EPC1: variants seen among roughly 807,000 people sequenced by gnomAD.
The protein encoded by EPC1 is enhancer of polycomb 1.
A neutral mutation model predicts 98.4 loss-of-function variants in EPC1; 12 were observed. That is an observed-to-expected ratio of 0.12 (90% confidence interval 0.08 to 0.20). The LOEUF (loss-of-function observed/expected upper bound fraction) is 0.20, where lower values mean the gene tolerates loss of function less well. Among genes scored for constraint, EPC1 ranks in the 10% least tolerant of loss-of-function variants. The probability of loss-of-function intolerance (pLI) is 1.00; values close to 1 mark genes in which losing one functional copy is unlikely to be tolerated. For synonymous variants in EPC1, 357 were observed against 363.9 expected, an observed-to-expected ratio of 0.98 and a Z score of 0.21; for missense variants, 729 against 990.5, an observed-to-expected ratio of 0.74 and a Z score of 3.54.
chr10:32,360,192 T>C (rs1839402545), intron 1 of EPC1, among the ~76,000 whole-genome samples: 1 of 152,222 alleles, frequency 6.6e-6, no homozygotes, highest in Non-Finnish European at 1.5e-5. Flanking sequence ...CCTAGGTATA[T>C]TTAGTAGGTT....
chr10:32,365,285 T>A (rs545895899), intron 1 of EPC1, among the ~76,000 whole-genome samples: 13 of 152,218 alleles, frequency 8.5e-5, no homozygotes, highest in African/African-American at 3.1e-4. Context: ...AGAATTAATA[T>A]GAAAAGATGC....
At chr10:32,302,100 C>T (rs1835585183) in intron 2 of EPC1, among the ~76,000 whole-genome samples, 1 of 151,780 alleles carries the variant, frequency 6.6e-6, no homozygotes, top group Admixed American at 6.6e-5. Context: ...GGTGAAACCC[C>T]ATCTCTACTA....
chr10:32,340,578 T>G (rs1838277361), intron 1 of EPC1, among the ~76,000 whole-genome samples: 1 of 152,150 alleles, frequency 6.6e-6, no homozygotes, highest in Non-Finnish European at 1.5e-5. Flanking sequence ...GCCTATAATC[T>G]CAGCACTTTG....
At chr10:32,338,298 GCT>G (rs1838102361) in intron 1 of EPC1, among the ~76,000 whole-genome samples, 1 of 151,936 alleles carries the variant, frequency 6.6e-6, no homozygotes, top group Non-Finnish European at 1.5e-5. Context: ...GTTGGTTCTG[GCT>G]CCTCAAAATA....
Position 32,293,203 on chromosome 10 carries a change from A to G in EPC1, c.460-9T>C, listed in dbSNP as rs1330604425. ...TCCTGCAGACTGACTGGCTAAATGT[A>G]AAACCATTATGTCATTTTCATACAA... On this transcript the variant is annotated splice_polypyrimidine_tract_variant and intron_variant, in intron 3 of 13. Coordinates refer to ENST00000319778, the MANE Select transcript of EPC1 (RefSeq NM_001272004.3). The G allele has an allele frequency of 1.2e-5, 19 of 1,598,320 alleles. No individual in the cohort carries two copies. The highest frequency in any genetic ancestry group is 1.4e-5 in the Non-Finnish European group (16 of 1,168,268).
intron 1 of EPC1, among the ~76,000 whole-genome samples, chr10:32,369,298 C>G (rs1048212834): frequency 6.6e-6 from 1 of 152,142 alleles, no homozygotes; most frequent in Non-Finnish European, 1.5e-5. Context: ...AGTGCAAAAT[C>G]CAGGTATTTT....
chr10:32,330,238 A>T (rs1191440413), intron 1 of EPC1, among the ~76,000 whole-genome samples: 1 of 152,240 alleles, frequency 6.6e-6, no homozygotes, highest in Non-Finnish European at 1.5e-5. Flanking sequence ...ACTTAAATTT[A>T]GGCAAGAGAT....
At chr10:32,279,838 T>G (rs781238186) in intron 10 of EPC1, among the ~76,000 whole-genome samples, 7 of 152,188 alleles carry the variant, frequency 4.6e-5, no homozygotes, top group Non-Finnish European at 1.0e-4. Context: ...CTGTCCAAAA[T>G]CACCTATTAA....
upstream of EPC1, chr10:32,347,224 G>T (rs1838907306): frequency 4.9e-6 from 6 of 1,224,208 alleles, no homozygotes; most frequent in Non-Finnish European, 6.1e-6. Flanking sequence ...CACGCGGGCG[G>T]GGGGAGGGAG....
rs369113880 is a variant in EPC1 at position 32,269,014 on chromosome 10, T to C, written c.*49A>G. The C allele has an allele frequency of 6.7e-7, 1 of 1,488,830 alleles. No individual in the cohort carries two copies. Among genetic ancestry groups the C allele is most frequent in the East Asian group, 2.3e-5 (1 of 44,056 alleles). The allele number at this position is 1,488,830 out of a possible 1,614,324, so 92.2% of individuals were successfully genotyped here. ...TCCCTTGCATTCAAAATGCTACTGA[T>C]GCATAGCACCTAATCAAGTCCCCAG... On this transcript the variant is annotated 3_prime_UTR_variant, in exon 14 of 14. Coordinates refer to ENST00000319778, the MANE Select transcript of EPC1 (RefSeq NM_001272004.3).
At chr10:32,351,829 C>G (rs1234347067), upstream of EPC1, among the ~76,000 whole-genome samples, 1 of 149,376 alleles carries the variant, frequency 6.7e-6, no homozygotes, top group African/African-American at 2.5e-5. Flanking sequence ...CTCCCGGGTT[C>G]AAGTGATTCT....
intron 2 of EPC1, among the ~76,000 whole-genome samples, chr10:32,300,784 G>A (rs1025465243): frequency 4.6e-5 from 7 of 151,886 alleles, no homozygotes; most frequent in African/African-American, 9.7e-5. Flanking sequence ...ATTGTTGTGC[G>A]AACTGTCCCA....
chr10:32,271,935 GA>G lies in EPC1; in HGVS notation c.2006-19del. 6.2e-7 allele frequency: 1 copy of G among 1,605,340 alleles called. No homozygotes were observed. The highest frequency in any genetic ancestry group is 8.5e-7 in the Non-Finnish European group (1 of 1,176,236). Reference sequence around the variant, plus strand: ...GTATACTCCTAGAGAGAAAAAGAAAGAAACATCTAAACAATGTACAACTTTG... The same window carrying G: ...GTATACTCCTAGAGAGAAAAAGAAAGAACATCTAAACAATGTACAACTTTG... On this transcript the variant is annotated intron_variant, in intron 12 of 13. Coordinates refer to ENST00000319778, the MANE Select transcript of EPC1 (RefSeq NM_001272004.3).
At chr10:32,364,001 CA>C (rs1379871685) in intron 1 of EPC1, among the ~76,000 whole-genome samples, 17,139 of 59,724 alleles carry the variant, frequency 0.29, 6,961 homozygotes, top group South Asian at 0.45. Context: ...ATCATGTTGG[CA>C]TTTTTTTTTT....
chr10:32,320,641 C>G (rs1347910433), intron 1 of EPC1, among the ~76,000 whole-genome samples: 1 of 152,172 alleles, frequency 6.6e-6, no homozygotes, highest in Non-Finnish European at 1.5e-5. Flanking sequence ...GTTGCCCCTG[C>G]TGGAGTGCAG....
intron 1 of EPC1, among the ~76,000 whole-genome samples, chr10:32,327,308 G>C (rs1837354266): frequency 6.6e-6 from 1 of 152,166 alleles, no homozygotes; most frequent in African/African-American, 2.4e-5. Context: ...GGGGATATCA[G>C]GAGGGACGGG....
chr10:32,351,944 C>T (rs1839124160), upstream of EPC1, among the ~76,000 whole-genome samples: 1 of 150,190 alleles, frequency 6.7e-6, no homozygotes, highest in Non-Finnish European at 1.5e-5. Flanking sequence ...ATATGTTGGC[C>T]AGGCTGGTCT....
At chr10:32,328,996 C>T (rs1226168517) in intron 1 of EPC1, among the ~76,000 whole-genome samples, 1 of 152,208 alleles carries the variant, frequency 6.6e-6, no homozygotes, top group African/African-American at 2.4e-5. Flanking sequence ...TCTGAGCTGG[C>T]TTCGCCGGGG....
intron 1 of EPC1, among the ~76,000 whole-genome samples, chr10:32,332,279 A>G (rs1837682770): frequency 6.6e-6 from 1 of 152,186 alleles, no homozygotes; most frequent in Admixed American, 6.5e-5. Context: ...AAAGGACAGT[A>G]TAAGTAAAGG....
Sources: allele counts gnomAD v4.1 joint callset (sites outside exome capture counted in the v4.1 genomes callset), GRCh38; gene constraint gnomAD v4.1.1; transcripts MANE v1.5; gene names NCBI Gene and HGNC (gene_info 2026-07-23, HGNC 2026-07-21).